CD22: variants seen among roughly 807,000 people sequenced by gnomAD.
The protein encoded by CD22 is CD22 molecule.
Under a neutral mutation model 94.7 loss-of-function variants are expected in CD22, and 51 were observed. The ratio of observed to expected loss-of-function variants is 0.54; its 90% CI spans 0.43 to 0.68. The LOEUF is 0.68. Ranked by LOEUF, CD22 falls within the 30% of genes least tolerant of loss-of-function variation. CD22 has a pLI of 0.00. For missense variants in CD22, 931 were observed against 1,060.4 expected (o/e 0.88, Z 1.69); for synonymous variants, 424 against 422.5 (o/e 1.00, Z -0.04).
intron 3 of CD22, among the ~76,000 whole-genome samples, chr19:35,335,082 A>C (rs2066701145): frequency 6.6e-6 from 1 of 150,816 alleles, no homozygotes; most frequent in African/African-American, 2.4e-5. Context: ...TGTCTCAAAA[A>C]AAAAAAAAAA....
rs202226815 is a variant in CD22 at position 35,341,785 on chromosome 19, G to A, written c.1855G>A (p.Asp619Asn). 3.6e-5 allele frequency: 58 copies of A among 1,613,376 alleles called. No homozygotes were observed. Among genetic ancestry groups the A allele is most frequent in the African/African-American group, 2.3e-4 (17 of 75,040 alleles). ...GAGTGCAACCCTGACCTGTGAGAGCGACGCCAACCCTCCCGTCTCCCACTA... is the reference window on the plus strand; with the variant it reads ...GAGTGCAACCCTGACCTGTGAGAGCAACGCCAACCCTCCCGTCTCCCACTA... ...GKSATLTCES[D>N]ANPPVSHYTW... The change falls in exon 9 of 14, where the codon GAC (aspartate) becomes AAC (asparagine). Residue 619 changes from aspartate (D) to asparagine (N), a missense_variant. Coordinates refer to ENST00000085219, the MANE Select transcript of CD22 (RefSeq NM_001771.4). The surrounding 1 kb of genome is among the most constrained non-coding windows in gnomAD (Gnocchi z 4.0).
chr19:35,333,583 C>T (rs1158630524), intron 3 of CD22, among the ~76,000 whole-genome samples: 1 of 152,092 alleles, frequency 6.6e-6, no homozygotes, highest in East Asian at 1.9e-4. Flanking sequence ...GAGACAGGGT[C>T]TCGCACTGTC....
chr19:35,332,024 C>T lies in CD22; in HGVS notation c.-17C>T, dbSNP rs1473402768. ...ACAAACTCTCCCCTGCTCAGGCTTGCACCCAGACACGACACCATGCATCTC... is the reference window on the plus strand; with the variant it reads ...ACAAACTCTCCCCTGCTCAGGCTTGTACCCAGACACGACACCATGCATCTC... On this transcript the variant is annotated 5_prime_UTR_variant, in exon 2 of 14. Coordinates refer to ENST00000085219, the MANE Select transcript of CD22 (RefSeq NM_001771.4). 2 of 1,613,664 alleles carry T rather than the reference C, an allele frequency of 1.2e-6. No homozygotes were observed. Among genetic ancestry groups the T allele is most frequent in the Admixed American group, 1.7e-5 (1 of 59,972 alleles).
At chr19:35,331,644 T>C in intron 1 of CD22, 1 of 208,440 alleles carries the variant, frequency 4.8e-6, no homozygotes, top group Non-Finnish European at 9.8e-6. Context: ...AGATCAGGAG[T>C]TCAAGACCAG....
In CD22 at chr19:35,338,210, C is replaced by T. The variant is rs780644034; in HGVS notation, c.1028C>T (p.Ala343Val). 1.2e-6 allele frequency: 2 copies of T among 1,614,078 alleles called. No individual in the cohort carries two copies. The highest frequency in any genetic ancestry group is 1.7e-6 in the Non-Finnish European group (2 of 1,179,934). Residue 343 changes from alanine to valine, a missense_variant, in exon 6 of 14, where the codon GCT (alanine) becomes GTT (valine). Transcript: ENST00000085219. Reference protein sequence around the residue: ...PSTVQILHSPAVEGSQVEFLC... With the variant: ...PSTVQILHSPVVEGSQVEFLC... ...ACGGTTCAGATCCTCCACTCACCGG[C>T]TGTGGAGGGAAGTCAAGTCGAGTTT...
At chr19:35,338,507 G>T in intron 6 of CD22, 76 bp downstream of exon 6, 1 of 1,469,466 alleles carries the variant, frequency 6.8e-7, no homozygotes, top group Non-Finnish European at 9.3e-7. Flanking sequence ...TGGGGTGCAG[G>T]GCATTCCGGG....
chr19:35,335,274 C>T (rs1331745600), intron 3 of CD22, among the ~76,000 whole-genome samples: 4 of 151,674 alleles, frequency 2.6e-5, no homozygotes, highest in African/African-American at 4.8e-5. Flanking sequence ...AGCAGGACTG[C>T]GTTGGGTGCA....
At position 35,346,243 on chromosome 19, in the gene CD22, GGGTCTCCCCA is replaced by G. The variant is rs754205963; in HGVS notation, c.2412+20_2412+29del. 4.3e-6 allele frequency: 7 copies of G among 1,611,900 alleles called. No homozygotes were observed. In the South Asian group the frequency reaches 4.4e-5, roughly 10 times the overall value. The stretch of plus-strand genomic sequence containing the variant: ...TTGCACAAGCGCCAAGTGGTAAGGA[GGGTCTCCCCA>G]GGTCTCCCCAGAGGGGCTGTGGAAG... On this transcript the variant is annotated intron_variant, in intron 13 of 13. Transcript: ENST00000085219.
At position 35,347,070 on chromosome 19, in the gene CD22, C is replaced by T. The variant is rs1050560635; in HGVS notation, c.*373C>T. 1 of 192,778 alleles carries T rather than the reference C, an allele frequency of 5.2e-6. No homozygotes were observed. The highest frequency in any genetic ancestry group is 1.1e-5 in the Non-Finnish European group (1 of 91,888). The allele number at this position is 192,778 out of a possible 1,614,324, so 11.9% of individuals were successfully genotyped here. ...ATCTGCTCGTCATCATTTTTCCTTC[C>T]CTTCTCCATCTCTCTGGCCCTCTAC... On this transcript the variant is annotated 3_prime_UTR_variant, in exon 14 of 14. Transcript: ENST00000085219.
chr19:35,338,115 C>T, intron 5 of CD22, 53 bp from the exon 6 acceptor site: 3 of 1,577,992 alleles, frequency 1.9e-6, no homozygotes, highest in Non-Finnish European at 2.6e-6. Flanking sequence ...GCCGTGTGCA[C>T]AGGTTGGGGG....
rs2066895086 is a variant in CD22, at chr19:35,345,641, G to C, written c.2248G>C (p.Gly750Arg). The C allele has an allele frequency of 6.2e-7, 1 of 1,613,636 alleles. No homozygotes were observed. Among genetic ancestry groups the C allele is most frequent in the South Asian group, 1.1e-5 (1 of 91,080 alleles). Reference protein sequence around the residue: ...APLSEGPHSLGCYNPMMEDGI... With the variant: ...APLSEGPHSLRCYNPMMEDGI... ...CCTCTCTGAAGGCCCCCACTCCCTG[G>C]GATGCTACAATCCAATGATGGAAGA... is the stretch of plus-strand genomic sequence containing the variant. Residue 750 changes from glycine (G) to arginine (R), a missense_variant, in exon 12 of 14, where the codon GGA becomes CGA. Coordinates refer to ENST00000085219, the MANE Select transcript of CD22 (RefSeq NM_001771.4).
chr19:35,342,849 C>T (rs985934156), intron 9 of CD22, among the ~76,000 whole-genome samples: 20 of 152,124 alleles, frequency 1.3e-4, no homozygotes, highest in African/African-American at 4.6e-4. Context: ...CTCGATCTGT[C>T]ACCCAGGCTG....
At position 35,341,346 on chromosome 19, in the gene CD22, C is replaced by A; in HGVS notation, c.1511C>A (p.Ala504Asp). 6.2e-7 allele frequency: 1 copy of A among 1,612,664 alleles called. No individual in the cohort carries two copies. Among genetic ancestry groups the A allele is most frequent in the Non-Finnish European group, 8.5e-7 (1 of 1,179,102 alleles). ...ASPVALNVQY[A>D]PRDVRVRKIK... ...GCTTGGGACCCTTGCCCTCCAGATGCCCCCCGAGACGTGAGGGTCCGGAAA... is the reference window on the plus strand; with the variant it reads ...GCTTGGGACCCTTGCCCTCCAGATGACCCCCGAGACGTGAGGGTCCGGAAA... Residue 504 changes from alanine to aspartate, a missense_variant, in exon 8 of 14, where the codon GCC becomes GAC. Coordinates refer to ENST00000085219, the MANE Select transcript of CD22 (RefSeq NM_001771.4). The surrounding 1 kb of genome is among the most constrained non-coding windows in gnomAD (Gnocchi z 4.0).
At position 35,341,336 on chromosome 19, in the gene CD22, C is replaced by T; in HGVS notation, c.1508-7C>T. 6.2e-7 allele frequency: 1 copy of T among 1,612,482 alleles called. No homozygotes were observed. The highest frequency in any genetic ancestry group is 1.7e-4 in the Middle Eastern group (1 of 6,056). On this transcript the variant is annotated splice_region_variant and splice_polypyrimidine_tract_variant and intron_variant, in intron 7 of 13. Transcript: ENST00000085219. The surrounding 1 kb of genome is among the most constrained non-coding windows in gnomAD (Gnocchi z 4.0). Reference sequence around the variant, plus strand: ...GGAGAGGTCAGCTTGGGACCCTTGCCCTCCAGATGCCCCCCGAGACGTGAG... The same window carrying T: ...GGAGAGGTCAGCTTGGGACCCTTGCTCTCCAGATGCCCCCCGAGACGTGAG...
chr19:35,337,766 T>C lies in CD22; in HGVS notation c.730T>C (p.Leu244=), dbSNP rs753557426. Residue 244 remains leucine (L), a synonymous_variant, in exon 5 of 14, where the codon TTG becomes CTG. Coordinates refer to ENST00000085219, the MANE Select transcript of CD22 (RefSeq NM_001771.4). This position sits in a 1 kb window ranked among gnomAD's most constrained non-coding sequence, Gnocchi z 4.4. ...VQLNVKHTPK[L]EIKVTPSDAI... is the part of the protein sequence containing the mutation. The stretch of plus-strand genomic sequence containing the variant: ...CTCTGCTCCTCCAGACACCCCGAAG[T>C]TGGAGATCAAGGTCACTCCCAGTGA... The C allele has an allele frequency of 1.9e-6, 3 of 1,597,264 alleles. No individual in the cohort carries two copies. The highest frequency in any genetic ancestry group is 1.1e-5 in the South Asian group (1 of 90,200).
intron 9 of CD22, among the ~76,000 whole-genome samples, chr19:35,343,508 TGC>T (rs1216271395): frequency 6.6e-6 from 1 of 152,228 alleles, no homozygotes. Context: ...GCCCACACTT[TGC>T]CTGGGAATTT....
chr19:35,344,514 G>A (rs2145679814), intron 9 of CD22, among the ~76,000 whole-genome samples: 1 of 152,374 alleles, frequency 6.6e-6, no homozygotes, highest in East Asian at 1.9e-4. Context: ...TGGAAGACAG[G>A]TGCACTTTCA....
rs776445124 is a variant in CD22 at position 35,338,258 on chromosome 19, CTCT to C, written c.1079_1081del (p.Leu360del). The stretch of plus-strand genomic sequence containing the variant: ...TTTCTTTGCATGTCACTGGCCAATC[CTCT>C]TCCAACAAATTACACGTGGTACCAC... On this transcript the variant is annotated inframe_deletion, in exon 6 of 14. Coordinates refer to ENST00000085219, the MANE Select transcript of CD22 (RefSeq NM_001771.4). 1 of 1,614,142 alleles carries C rather than the reference CTCT, an allele frequency of 6.2e-7. No individual in the cohort carries two copies. Among genetic ancestry groups the C allele is most frequent in the African/African-American group, 1.3e-5 (1 of 74,952 alleles).
chr19:35,331,741 G>C (rs535014687), intron 1 of CD22: 1 of 373,586 alleles, frequency 2.7e-6, no homozygotes, highest in Non-Finnish European at 4.7e-6. Context: ...CAGCTACTTG[G>C]GGGGCTGAGG....
Sources: gnomAD v4.1 joint callset for allele counts (sites outside exome capture counted in the v4.1 genomes callset) on GRCh38, gnomAD v4.1.1 for gene constraint, Gnocchi (gnomAD v3.1) non-coding constraint, MANE v1.5 for transcripts, NCBI Gene and HGNC (gene_info 2026-07-23, HGNC 2026-07-21) for gene names.